The following FAM163A variants were observed in gnomAD, a reference collection of about 807,000 sequenced individuals.
FAM163A encodes family with sequence similarity 163 member A.
A neutral mutation model predicts 12.0 loss-of-function variants in FAM163A; 7 were observed. The ratio of observed to expected loss-of-function variants is 0.58; its 90% CI spans 0.33 to 1.10. The LOEUF (loss-of-function observed/expected upper bound fraction) is 1.10, where lower values mean the gene tolerates loss of function less well. FAM163A is among the 50% of genes least tolerant of loss of function. The probability of loss-of-function intolerance (pLI) is 0.03; values close to 1 mark genes in which losing one functional copy is unlikely to be tolerated. For synonymous variants in FAM163A, 101 were observed against 91.0 expected, an observed-to-expected ratio of 1.11 and a Z score of -0.62; for missense variants, 202 against 218.6, an observed-to-expected ratio of 0.92 and a Z score of 0.48.
chr1:179,796,132 T>TACACAC (rs35899165), intron 1 of FAM163A, among the ~76,000 whole-genome samples: 3,396 of 145,404 alleles, frequency 0.023, 144 homozygotes, highest in African/African-American at 0.082. Flanking sequence ...CATTCAATAA[T>TACACAC]ACACACACAC....
chr1:179,789,431 C>T (rs983168895), intron 1 of FAM163A, among the ~76,000 whole-genome samples: 8 of 152,360 alleles, frequency 5.3e-5, no homozygotes, highest in Admixed American at 5.2e-4. Context: ...ATCTGCCCAC[C>T]TTGGCCTCCC....
intron 1 of FAM163A, among the ~76,000 whole-genome samples, chr1:179,781,933 C>CAAAAAA (rs58962319): frequency 5.0e-5 from 6 of 119,402 alleles, no homozygotes; most frequent in East Asian, 4.3e-4. Flanking sequence ...GAATCCGTAT[C>CAAAAAA]AAAAAAAAAA....
At chr1:179,790,545 C>T (rs1400059722) in intron 1 of FAM163A, among the ~76,000 whole-genome samples, 3 of 152,116 alleles carry the variant, frequency 2.0e-5, no homozygotes, top group South Asian at 4.1e-4. Context: ...CGAGTTGGTT[C>T]GGCAAGTGAG....
At chr1:179,792,903 T>A (rs1041238794) in intron 1 of FAM163A, among the ~76,000 whole-genome samples, 2 of 150,946 alleles carry the variant, frequency 1.3e-5, no homozygotes, top group African/African-American at 4.9e-5. Context: ...TATAATAAAA[T>A]ACAGTGTGAC....
intron 2 of FAM163A, among the ~76,000 whole-genome samples, chr1:179,811,812 C>T (rs936720269): frequency 6.6e-6 from 1 of 152,160 alleles, no homozygotes; most frequent in African/African-American, 2.4e-5. Context: ...GGTGGAGCCA[C>T]CAACAGAGCC....
At chr1:179,747,151 AAG>A (rs1684586980) in intron 1 of FAM163A, among the ~76,000 whole-genome samples, 2 of 138,686 alleles carry the variant, frequency 1.4e-5, no homozygotes, top group Non-Finnish European at 3.1e-5. Flanking sequence ...CAAAAAGGTG[AAG>A]AGAGAGATGC....
At chr1:179,791,745 A>G (rs1367662299) in intron 1 of FAM163A, among the ~76,000 whole-genome samples, 1 of 152,142 alleles carries the variant, frequency 6.6e-6, no homozygotes, top group African/African-American at 2.4e-5. Flanking sequence ...CACCCCTACA[A>G]ATGTTAGGAT....
At chr1:179,738,956 G>T (rs183433980), upstream of FAM163A, among the ~76,000 whole-genome samples, 1 of 152,154 alleles carries the variant, frequency 6.6e-6, no homozygotes, top group African/African-American at 2.4e-5. Flanking sequence ...GTATGGTATT[G>T]GTGGAGGGAT....
At chr1:179,735,064 G>A in the FAM163A span, among the ~76,000 whole-genome samples, 20 of 152,140 alleles carry the variant, frequency 1.3e-4, no homozygotes, top group Non-Finnish European at 1.5e-4. Context: ...AAAGGGGTGG[G>A]TAATTACGTT....
chr1:179,791,598 C>T (rs993571495), intron 1 of FAM163A, among the ~76,000 whole-genome samples: 1 of 152,204 alleles, frequency 6.6e-6, no homozygotes, highest in Non-Finnish European at 1.5e-5. Context: ...CTTCCCATGC[C>T]GCCACATTTC....
chr1:179,794,788 G>A (rs1184767175), intron 1 of FAM163A, among the ~76,000 whole-genome samples: 3 of 152,160 alleles, frequency 2.0e-5, no homozygotes, highest in African/African-American at 7.2e-5. Context: ...GATATTACAT[G>A]GGAGTGAACC....
At chr1:179,742,365 C>A (rs1375139287), upstream of FAM163A, 2 of 152,200 alleles carry the variant, frequency 1.3e-5, no homozygotes, top group Non-Finnish European at 2.9e-5. Context: ...AACTAACCTG[C>A]CTAAGAAGAG....
chr1:179,783,452 A>G (rs1252851385), intron 1 of FAM163A, among the ~76,000 whole-genome samples: 2 of 152,160 alleles, frequency 1.3e-5, no homozygotes, highest in Non-Finnish European at 2.9e-5. Flanking sequence ...TATTTTTTAA[A>G]TGTGCATTAA....
At chr1:179,809,838 G>A (rs895901122) in intron 2 of FAM163A, among the ~76,000 whole-genome samples, 1 of 152,156 alleles carries the variant, frequency 6.6e-6, no homozygotes, top group Admixed American at 6.5e-5. Flanking sequence ...GTGCTGTAGT[G>A]AAAGTGCCTA....
upstream of FAM163A, among the ~76,000 whole-genome samples, chr1:179,741,766 G>A (rs560169832): frequency 6.6e-6 from 1 of 152,180 alleles, no homozygotes; most frequent in Non-Finnish European, 1.5e-5. Context: ...TTACAAATTG[G>A]TAGAAACTAT....
the FAM163A span, among the ~76,000 whole-genome samples, chr1:179,732,302 G>A: frequency 6.6e-6 from 1 of 152,168 alleles, no homozygotes; most frequent in African/African-American, 2.4e-5. Flanking sequence ...GGTGACCCAT[G>A]CCAAAACAGA....
chr1:179,747,966 G>A (rs1056885994), intron 1 of FAM163A, among the ~76,000 whole-genome samples: 4 of 151,034 alleles, frequency 2.6e-5, no homozygotes, highest in African/African-American at 9.7e-5. Flanking sequence ...AGGGGGAGGG[G>A]GAGGAGGAAG....
chr1:179,783,339 C>T (rs1249927523), intron 1 of FAM163A, among the ~76,000 whole-genome samples: 1 of 152,140 alleles, frequency 6.6e-6, no homozygotes, highest in Non-Finnish European at 1.5e-5. Flanking sequence ...AATGACCCAT[C>T]CTAACAATGA....
intron 1 of FAM163A, among the ~76,000 whole-genome samples, chr1:179,803,139 A>G (rs1693422710): frequency 6.6e-6 from 1 of 152,166 alleles, no homozygotes; most frequent in South Asian, 2.1e-4. Flanking sequence ...CCAGGAAGAC[A>G]GGTAACAGGG....
Sources: allele counts gnomAD v4.1 joint callset (sites outside exome capture counted in the v4.1 genomes callset), GRCh38; gene constraint gnomAD v4.1.1; transcripts MANE v1.5; gene names NCBI Gene and HGNC (gene_info 2026-07-23, HGNC 2026-07-21).